Variants in PCED1B observed in about 807,000 individuals in gnomAD.
The protein encoded by PCED1B is PC-esterase domain containing 1B.
For synonymous variants in PCED1B, 251 were observed against 246.1 expected, an observed-to-expected ratio of 1.02 and a Z score of -0.19; for missense variants, 573 against 573.9, an observed-to-expected ratio of 1.00 and a Z score of 0.02.
At chr12:47,170,030 G>A (rs371761040) in intron 2 of PCED1B, among the ~76,000 whole-genome samples, 11 of 151,888 alleles carry the variant, frequency 7.2e-5, no homozygotes, top group East Asian at 3.9e-4. Flanking sequence ...TTTCCTAGGC[G>A]GAGGGCCCTG....
intron 2 of PCED1B, among the ~76,000 whole-genome samples, chr12:47,143,309 A>T (rs1323914854): frequency 3.3e-5 from 5 of 152,218 alleles, no homozygotes; most frequent in Admixed American, 1.3e-4. Context: ...TCTTGTACGT[A>T]GCCAGTCCTA....
chr12:47,182,468 G>A (rs541564664), intron 2 of PCED1B, among the ~76,000 whole-genome samples: 21 of 152,070 alleles, frequency 1.4e-4, no homozygotes, highest in African/African-American at 5.1e-4. Context: ...GCACGTGCCT[G>A]TAATCCTAGC....
At chr12:47,141,409 G>A (rs561332018) in intron 2 of PCED1B, among the ~76,000 whole-genome samples, 1 of 152,132 alleles carries the variant, frequency 6.6e-6, no homozygotes, top group African/African-American at 2.4e-5. Flanking sequence ...GAAACATTCT[G>A]TTCCTCTGTG....
At chr12:47,098,410 G>T (rs904571314) in intron 1 of PCED1B, among the ~76,000 whole-genome samples, 2 of 152,168 alleles carry the variant, frequency 1.3e-5, no homozygotes, top group Admixed American at 6.5e-5. Flanking sequence ...ATGAACAAAG[G>T]AAATCAGACA....
chr12:47,138,163 G>T (rs1186215001), intron 2 of PCED1B: 1 of 152,192 alleles, frequency 6.6e-6, no homozygotes, highest in Non-Finnish European at 1.5e-5. Flanking sequence ...TCCAAAACAT[G>T]TCTGTTCTTT....
rs372268159 is a variant in PCED1B at position 47,199,813 on chromosome 12, T to C, written c.-525-16409T>C. 9.1e-4 allele frequency among the ~76,000 whole-genome samples: 138 copies of C among 152,328 alleles called. 4 individuals carry two copies. The South Asian group carries it at 0.026, about 29-fold the overall frequency. On this transcript the variant is annotated intron_variant, in intron 2 of 3. Transcript: ENST00000546455. ...AAACTCTAGGTGACCTTGTGTTTAG[T>C]TGTGAATTTGTAGCTTCAACACCAA...
rs1375840511 is a variant in PCED1B, at chr12:47,217,472, GAAA to G, written c.-58+784_-58+786del. Among the ~76,000 whole-genome samples, 39 of 49,646 alleles carry G rather than the reference GAAA, an allele frequency of 7.9e-4. 5 individuals are homozygous for G. The highest frequency in any genetic ancestry group is 3.8e-3 in the African/African-American group (37 of 9,620). The allele number at this position is 49,646 out of a possible 152,430, so 32.6% of individuals were successfully genotyped here. On this transcript the variant is annotated intron_variant, in intron 3 of 3. Coordinates refer to ENST00000546455, the MANE Select transcript of PCED1B (RefSeq NM_138371.3). ...AGAAAGAAAGAAAAAGAAAGAAAGA[GAAA>G]GAAAGAAAGAAAGAAAGAAAGAAAG... is the stretch of plus-strand genomic sequence containing the variant.
At chr12:47,132,057 C>T (rs1488752705) in intron 2 of PCED1B, among the ~76,000 whole-genome samples, 1 of 152,126 alleles carries the variant, frequency 6.6e-6, no homozygotes, top group Non-Finnish European at 1.5e-5. Context: ...ATGAACTTTG[C>T]GTGGAAAGTC....
Position 47,118,433 on chromosome 12 carries a change from T to C in PCED1B, c.-526+14238T>C, listed in dbSNP as rs373482483. Among the ~76,000 whole-genome samples the C allele has an allele frequency of 2.6e-5, 4 of 152,326 alleles. No homozygotes were observed. In the East Asian group the frequency reaches 7.7e-4, roughly 29 times the overall value. ...TGGCTAGCCAGTTTTCCCAGCACCA[T>C]TTATTAAATAAGGAATCCTTTCCCC... On this transcript the variant is annotated intron_variant, in intron 2 of 3. Transcript: ENST00000546455.
chr12:47,125,507 G>A (rs1027745529), intron 2 of PCED1B, among the ~76,000 whole-genome samples: 2 of 151,844 alleles, frequency 1.3e-5, no homozygotes, highest in Non-Finnish European at 2.9e-5. Flanking sequence ...TTGAATTTTC[G>A]TATGAAGTTT....
chr12:47,128,237 CT>C (rs998643302), intron 2 of PCED1B, among the ~76,000 whole-genome samples: 9 of 151,408 alleles, frequency 5.9e-5, no homozygotes, highest in Non-Finnish European at 1.2e-4. Flanking sequence ...TTCAACTTAA[CT>C]TTTTTTTTCA....
intron 2 of PCED1B, among the ~76,000 whole-genome samples, chr12:47,151,132 T>TAC (rs1421367557): frequency 9.6e-5 from 9 of 94,188 alleles, no homozygotes; most frequent in South Asian, 8.9e-4. Context: ...CTATATATAA[T>TAC]ATATACACAC....
chr12:47,087,998 A>G (rs1424980025), intron 1 of PCED1B, among the ~76,000 whole-genome samples: 1 of 152,206 alleles, frequency 6.6e-6, no homozygotes, highest in African/African-American at 2.4e-5. Context: ...CAGAACATCC[A>G]TTTATTAACT....
At chr12:47,218,481 G>C (rs1943371554) in intron 3 of PCED1B, among the ~76,000 whole-genome samples, 1 of 152,054 alleles carries the variant, frequency 6.6e-6, no homozygotes, top group Non-Finnish European at 1.5e-5. Context: ...CTACAACATA[G>C]TGTGAGTAAA....
intron 3 of PCED1B, among the ~76,000 whole-genome samples, chr12:47,233,511 GA>G (rs1467730309): frequency 6.6e-6 from 1 of 152,254 alleles, no homozygotes; most frequent in Non-Finnish European, 1.5e-5. Flanking sequence ...AAGGGATGAT[GA>G]ATTGTGGGGA....
chr12:47,226,099 A>G (rs1943623641), intron 3 of PCED1B, among the ~76,000 whole-genome samples: 2 of 152,366 alleles, frequency 1.3e-5, no homozygotes, highest in South Asian at 2.1e-4. Context: ...ATTAATACAT[A>G]TATCTGTGAC....
At chr12:47,218,927 G>A (rs1943388218) in intron 3 of PCED1B, among the ~76,000 whole-genome samples, 1 of 152,082 alleles carries the variant, frequency 6.6e-6, no homozygotes, top group Non-Finnish European at 1.5e-5. Flanking sequence ...GATCACCTGA[G>A]GTCAGGAGTT....
intron 3 of PCED1B, among the ~76,000 whole-genome samples, chr12:47,232,722 A>C (rs1316889639): frequency 6.6e-6 from 1 of 152,150 alleles, no homozygotes; most frequent in Non-Finnish European, 1.5e-5. Flanking sequence ...TTTGAAGATG[A>C]GTTTCACAGT....
At chr12:47,134,335 T>TTTTCTTCCTTTTGTCCTTCCTTCC (rs1348185798) in intron 2 of PCED1B, among the ~76,000 whole-genome samples, 7 of 152,342 alleles carry the variant, frequency 4.6e-5, no homozygotes, top group Non-Finnish European at 7.4e-5. Flanking sequence ...TCCTTTCTTC[T>TTTTCTTCCTTTTGTCCTTCCTTCC]TTTCTTCCTT....
Sources: gnomAD v4.1 joint callset for allele counts (sites outside exome capture counted in the v4.1 genomes callset) on GRCh38, gnomAD v4.1.1 for gene constraint, MANE v1.5 for transcripts, NCBI Gene and HGNC (gene_info 2026-07-23, HGNC 2026-07-21) for gene names.